The following C10orf90 variants were observed in gnomAD, a reference collection of about 807,000 sequenced individuals.
C10orf90 encodes chromosome 10 open reading frame 90.
C10orf90 carries 56 observed loss-of-function variants against 62.5 expected under a neutral mutation model. The observed-to-expected ratio is 0.90, with a 90% CI of 0.72 to 1.12. The LOEUF (loss-of-function observed/expected upper bound fraction) is 1.12, where lower values mean the gene tolerates loss of function less well. Among genes scored for constraint, C10orf90 ranks in the 50% most tolerant of loss-of-function variants. The probability of loss-of-function intolerance (pLI) is 0.00; values close to 1 mark genes in which losing one functional copy is unlikely to be tolerated. For missense variants in C10orf90, 970 were observed against 880.4 expected (o/e 1.10, Z -1.29); for synonymous variants, 386 against 340.4 (o/e 1.13, Z -1.47).
At chr10:126,508,794 T>G (rs1862921479) in intron 3 of C10orf90, among the ~76,000 whole-genome samples, 1 of 152,092 alleles carries the variant, frequency 6.6e-6, no homozygotes, top group Non-Finnish European at 1.5e-5. Flanking sequence ...CCAGGCTTCC[T>G]CGTACTGTGG....
intron 2 of C10orf90, among the ~76,000 whole-genome samples, chr10:126,605,762 C>T (rs766882313): frequency 6.6e-6 from 1 of 152,104 alleles, no homozygotes; most frequent in Non-Finnish European, 1.5e-5. Flanking sequence ...ATGACTAGAG[C>T]TTAGGATTAG....
At chr10:126,459,463 G>A (rs981986793) in intron 6 of C10orf90, among the ~76,000 whole-genome samples, 5 of 152,188 alleles carry the variant, frequency 3.3e-5, no homozygotes, top group East Asian at 1.9e-4. Flanking sequence ...AGGATTGACC[G>A]GCAACTGGCA....
intron 2 of C10orf90, among the ~76,000 whole-genome samples, chr10:126,593,931 A>G (rs1167633408): frequency 1.3e-5 from 2 of 151,974 alleles, no homozygotes; most frequent in Non-Finnish European, 2.9e-5. Flanking sequence ...GGCAGGAAAG[A>G]CTGAAGATGG....
At chr10:126,607,267 C>A (rs1347841148) in intron 2 of C10orf90, among the ~76,000 whole-genome samples, 1 of 152,120 alleles carries the variant, frequency 6.6e-6, no homozygotes, top group Non-Finnish European at 1.5e-5. Flanking sequence ...ATTTTAATAC[C>A]CTGCATAACA....
intron 2 of C10orf90, chr10:126,520,002 G>A (rs1042485996): frequency 3.3e-5 from 5 of 152,264 alleles, no homozygotes; most frequent in African/African-American, 9.7e-5. Context: ...TTCCTCCTGT[G>A]TCATCGCCTT....
intron 7 of C10orf90, among the ~76,000 whole-genome samples, chr10:126,458,817 C>T (rs917197721): frequency 2.6e-5 from 4 of 152,090 alleles, no homozygotes; most frequent in African/African-American, 9.7e-5. Flanking sequence ...AATTGGTGTC[C>T]CAAGTTGTTT....
At chr10:126,472,495 G>A (rs1418301664) in intron 4 of C10orf90, among the ~76,000 whole-genome samples, 1 of 152,112 alleles carries the variant, frequency 6.6e-6, no homozygotes, top group African/African-American at 2.4e-5. Flanking sequence ...ACACATAACA[G>A]CACAGGTTCA....
chr10:126,496,200 G>A (rs569454473), intron 4 of C10orf90, among the ~76,000 whole-genome samples: 1 of 152,276 alleles, frequency 6.6e-6, no homozygotes, highest in Non-Finnish European at 1.5e-5. Context: ...CATTAATAAT[G>A]ACTCTCTCCT....
chr10:126,655,960 G>A (rs1356015600), intron 1 of C10orf90, among the ~76,000 whole-genome samples: 4 of 152,088 alleles, frequency 2.6e-5, no homozygotes, highest in African/African-American at 4.8e-5. Flanking sequence ...TTTACCACTG[G>A]TGGTTGCTTT....
intron 2 of C10orf90, among the ~76,000 whole-genome samples, chr10:126,544,068 A>G (rs1864436349): frequency 6.6e-6 from 1 of 152,228 alleles, no homozygotes; most frequent in Non-Finnish European, 1.5e-5. Context: ...TCTCATTTTT[A>G]AAGAAAAACT....
chr10:126,500,839 C>T (rs745872924), intron 4 of C10orf90, among the ~76,000 whole-genome samples: 1 of 152,166 alleles, frequency 6.6e-6, no homozygotes, highest in Non-Finnish European at 1.5e-5. Flanking sequence ...GAGGCTCATT[C>T]ATGAATACAA....
chr10:126,537,962 A>G (rs1329942633), intron 2 of C10orf90, among the ~76,000 whole-genome samples: 1 of 152,218 alleles, frequency 6.6e-6, no homozygotes, highest in African/African-American at 2.4e-5. Context: ...ACATTTAGAA[A>G]CAGACATACA....
At chr10:126,565,342 AAT>A (rs1259277481) in intron 2 of C10orf90, among the ~76,000 whole-genome samples, 1,935 of 25,366 alleles carry the variant, frequency 0.076, 74 homozygotes, top group African/African-American at 0.25. Flanking sequence ...TATTATATAT[AAT>A]ATATAATATA....
rs74502916 is a variant in C10orf90, at chr10:126,503,651, G to T, written c.1534+306C>A. ...CTCACCCTCTTTTGGAACGCAATTT[G>T]GGCATGTTGTAAATTAACTTCCTTT... On this transcript the variant is annotated intron_variant, in intron 4 of 9. Coordinates refer to ENST00000488181, the MANE Select transcript of C10orf90 (RefSeq NM_001350921.2). 5.3e-5 allele frequency among the ~76,000 whole-genome samples: 8 copies of T among 152,210 alleles called. 1 individual carries two copies. In the East Asian group the frequency reaches 1.5e-3, roughly 29 times the overall value.
Position 126,504,649 on chromosome 10 carries a change from GC to G in C10orf90, c.841del (p.Ala281ProfsTer24). 6.2e-7 allele frequency: 1 copy of G among 1,614,238 alleles called. No homozygotes were observed. Among genetic ancestry groups the G allele is most frequent in the Non-Finnish European group, 8.5e-7 (1 of 1,180,046 alleles). ...AGATCTCTGATGCCGACCTGGATGG[GC>G]GCCATTGGCCAGAGCCGGGGGCGCC... ...FQAPPALANGAHPGRHQRSFA... is the reference protein window; with the variant it reads ...FQAPPALANGXHPGRHQRSFA... On this transcript the variant is annotated frameshift_variant, in exon 4 of 10. Transcript: ENST00000488181. LOFTEE classifies it high-confidence loss of function. This position sits in a 1 kb window ranked among gnomAD's most constrained non-coding sequence, Gnocchi z 4.1.
chr10:126,568,300 C>T (rs1468244538), intron 2 of C10orf90, among the ~76,000 whole-genome samples: 1 of 152,214 alleles, frequency 6.6e-6, no homozygotes, highest in Non-Finnish European at 1.5e-5. Context: ...GCTTGGGATC[C>T]TCCTCCCAGC....
At chr10:126,649,073 C>CCCCCCACCT (rs1554932147) in intron 1 of C10orf90, among the ~76,000 whole-genome samples, 1 of 51,808 alleles carries the variant, frequency 1.9e-5, no homozygotes, top group African/African-American at 6.1e-5. Context: ...TCTCTCTCTC[C>CCCCCCACCT]CCCCCCCCCA....
chr10:126,572,542 A>G (rs1844528399), intron 2 of C10orf90, among the ~76,000 whole-genome samples: 1 of 151,984 alleles, frequency 6.6e-6, no homozygotes, highest in Admixed American at 6.6e-5. Context: ...TGACATTGCC[A>G]TGGCATTTGT....
At chr10:126,600,367 T>A (rs889341119) in intron 2 of C10orf90, among the ~76,000 whole-genome samples, 19 of 152,104 alleles carry the variant, frequency 1.2e-4, no homozygotes, top group Non-Finnish European at 2.6e-4. Flanking sequence ...TTGTGGCCAT[T>A]GGATGAAAAC....
Sources: gnomAD v4.1 joint callset for allele counts (sites outside exome capture counted in the v4.1 genomes callset) on GRCh38, gnomAD v4.1.1 for gene constraint, Gnocchi (gnomAD v3.1) non-coding constraint, MANE v1.5 for transcripts, NCBI Gene and HGNC (gene_info 2026-07-23, HGNC 2026-07-21) for gene names.